Variants in GPR33 observed in about 807,000 individuals in gnomAD.
GPR33 encodes the protein G protein-coupled receptor 33.
GPR33 carries 4 observed loss-of-function variants against 3.1 expected under a neutral mutation model. That is an observed-to-expected ratio of 1.29 (90% confidence interval 0.64 to 2.96). The LOEUF (loss-of-function observed/expected upper bound fraction) is 2.96. GPR33 is among the 30% of genes most tolerant of loss of function. The probability of loss-of-function intolerance (pLI) is 0.01; values close to 1 mark genes in which losing one functional copy is unlikely to be tolerated. For missense variants in GPR33, 390 were observed against 388.9 expected, an observed-to-expected ratio of 1.00 and a Z score of -0.02; for synonymous variants, 138 against 142.0, an observed-to-expected ratio of 0.97 and a Z score of 0.20.
chr14:31,483,519 G>A lies in GPR33; in HGVS notation c.447C>T (p.Val149=). ...HRTPRWASSI[V]LGVWISAAAL... ...CAGCGGCTGAAATCCAGACTCCCAG[G>A]ACAATGCTGGAAGCCCAGCGCGGGG... The change falls in exon 2 of 2, where the codon GTC becomes GTT. Residue 149 remains valine (V), a synonymous_variant. Transcript: ENST00000399285. The A allele has an allele frequency of 6.5e-7, 1 of 1,536,132 alleles. No individual in the cohort carries two copies. The highest frequency in any genetic ancestry group is 1.2e-5 in the South Asian group (1 of 84,060).
Position 31,483,278 on chromosome 14 carries a change from T to G in GPR33, c.688A>C (p.Ser230Arg), listed in dbSNP as rs1258321059. ...IIIFCYERVA[S>R]KVKERSLFKS... is the part of the protein sequence containing the mutation. ...AACAGGCTCCTCTCTTTCACCTTGC[T>G]GGCTACTCTTTCATAACAAAAGATG... Residue 230 changes from serine to arginine, a missense_variant, in exon 2 of 2, where the codon AGC becomes CGC. By Grantham distance (110) the Ser-to-Arg change is moderately radical. Coordinates refer to ENST00000399285, the MANE Select transcript of GPR33 (RefSeq NM_001197184.3). 2.0e-6 allele frequency: 3 copies of G among 1,536,050 alleles called. No homozygotes were observed. The African/African-American group carries it at 4.1e-5, about 21-fold the overall frequency.
rs2032388367 is a variant in GPR33 at position 31,483,747 on chromosome 14, A to G, written c.219T>C (p.Ser73=). The G allele has an allele frequency of 1.4e-5, 22 of 1,536,060 alleles. No homozygotes were observed. Among genetic ancestry groups the G allele is most frequent in the Non-Finnish European group, 1.8e-5 (21 of 1,146,922 alleles). ...NTLLFFHLIL[S]YFISTMILPF... ...GCAGAATCATTGTTGAAATAAAATA[A>G]GAGAGAATGAGATGAAAAAATAAGA... Residue 73 remains serine, a synonymous_variant, in exon 2 of 2, where the codon TCT becomes TCC. Coordinates refer to ENST00000399285, the MANE Select transcript of GPR33 (RefSeq NM_001197184.3).
At position 31,483,431 on chromosome 14, in the gene GPR33, A is replaced by C; in HGVS notation, c.535T>G (p.Cys179Gly). 9 of 1,536,132 alleles carry C rather than the reference A, an allele frequency of 5.9e-6. No homozygotes were observed. Among genetic ancestry groups the C allele is most frequent in the Non-Finnish European group, 7.8e-6 (9 of 1,146,892 alleles). ...THHDRKGKVT[C>G]QNNYAVSTNW... The stretch of plus-strand genomic sequence containing the variant: ...GTAGACACAGCATAGTTATTTTGGC[A>C]AGTCACCTTTCCTTTACGGTCATGA... Residue 179 changes from cysteine (C) to glycine (G), a missense_variant, in exon 2 of 2, where the codon TGC becomes GGC. Cys to Gly is a radical substitution (Grantham distance 159, BLOSUM62 -3). Coordinates refer to ENST00000399285, the MANE Select transcript of GPR33 (RefSeq NM_001197184.3).
At chr14:31,484,048 A>G in intron 1 of GPR33, 77 bp from the exon 2 acceptor site, 1 of 1,161,694 alleles carries the variant, frequency 8.6e-7, no homozygotes, top group Non-Finnish European at 1.2e-6. Flanking sequence ...TTAAAGAGTA[A>G]TTTTTTACAT....
In GPR33 at chr14:31,483,766, A is replaced by C. The variant is rs969234999; in HGVS notation, c.200T>G (p.Phe67Cys). Reference protein sequence around the residue: ...KMKQTVNTLLFFHLILSYFIS... With the variant: ...KMKQTVNTLLCFHLILSYFIS... Reference sequence around the variant, plus strand: ...AAAATAAGAGAGAATGAGATGAAAAAATAAGAGAGTATTGACAGTCTGTTT... The same window carrying C: ...AAAATAAGAGAGAATGAGATGAAAACATAAGAGAGTATTGACAGTCTGTTT... Residue 67 changes from phenylalanine to cysteine, a missense_variant, in exon 2 of 2, where the codon TTT becomes TGT. Phe to Cys is a radical substitution (Grantham distance 205). Coordinates refer to ENST00000399285, the MANE Select transcript of GPR33 (RefSeq NM_001197184.3). The C allele has an allele frequency of 4.3e-5, 66 of 1,536,044 alleles. No individual in the cohort carries two copies. The highest frequency in any genetic ancestry group is 5.7e-5 in the Non-Finnish European group (65 of 1,146,914).
chr14:31,485,407 G>A (rs879623131), intron 1 of GPR33, among the ~76,000 whole-genome samples: 2 of 151,586 alleles, frequency 1.3e-5, no homozygotes, highest in Non-Finnish European at 1.5e-5. Flanking sequence ...AGGCCGAGGT[G>A]GGCGGATCAC....
chr14:31,486,548 A>G (rs574248743), intron 1 of GPR33, among the ~76,000 whole-genome samples: 1 of 152,326 alleles, frequency 6.6e-6, no homozygotes, highest in East Asian at 1.9e-4. Flanking sequence ...GAAGCATATG[A>G]AATGGACAGG....
intron 1 of GPR33, among the ~76,000 whole-genome samples, chr14:31,484,229 A>G (rs2032394126): frequency 6.6e-6 from 1 of 152,236 alleles, no homozygotes; most frequent in African/African-American, 2.4e-5. Context: ...TAAATGTGAA[A>G]AGAAGTAAAT....
chr14:31,486,580 G>A lies in GPR33; in HGVS notation c.-7+1317C>T, dbSNP rs141090885. 1.7e-4 allele frequency among the ~76,000 whole-genome samples: 26 copies of A among 152,266 alleles called. No individual in the cohort carries two copies. In the East Asian group the frequency reaches 4.8e-3, roughly 28 times the overall value. On this transcript the variant is annotated intron_variant, in intron 1 of 1. Coordinates refer to ENST00000399285, the MANE Select transcript of GPR33 (RefSeq NM_001197184.3). ...CAGGCAATGGCAAATAAAAGAATGAGAACTTGAGAGAGAGGTTTTGTGAAG... is the reference window on the plus strand; with the variant it reads ...CAGGCAATGGCAAATAAAAGAATGAAAACTTGAGAGAGAGGTTTTGTGAAG...
chr14:31,487,351 G>T (rs901743617), intron 1 of GPR33, among the ~76,000 whole-genome samples: 4 of 149,956 alleles, frequency 2.7e-5, no homozygotes, highest in Non-Finnish European at 5.9e-5. Flanking sequence ...ACAGACCTGG[G>T]TTTGTATCCT....
Position 31,487,432 on chromosome 14 carries a change from G to GTTTTTTTTT in GPR33, c.-7+456_-7+464dup, listed in dbSNP as rs752227440. On this transcript the variant is annotated intron_variant, in intron 1 of 1. Coordinates refer to ENST00000399285, the MANE Select transcript of GPR33 (RefSeq NM_001197184.3). ...ACTTTTTCTCCTGCTAAGCCCCTCA[G>GTTTTTTTTT]TTTTTTTTTTTTTTTTTTTTTTTTT... Among the ~76,000 whole-genome samples, 6 of 70,382 alleles carry GTTTTTTTTT rather than the reference G, an allele frequency of 8.5e-5. 1 individual carries two copies. The highest frequency in any genetic ancestry group is 1.0e-4 in the Non-Finnish European group (4 of 39,394). 46.2% of individuals were successfully genotyped at this position (70,382 alleles called of 152,430 possible). A position where few individuals can be genotyped will look rare whatever the true frequency, so the allele number is the denominator to read the frequency against.
rs992042076 is a variant in GPR33, at chr14:31,483,891, A to G, written c.75T>C (p.Ala25=). 6.5e-7 allele frequency: 1 copy of G among 1,535,902 alleles called. No individual in the cohort carries two copies. The highest frequency in any genetic ancestry group is 8.7e-7 in the Non-Finnish European group (1 of 1,146,860). The stretch of plus-strand genomic sequence containing the variant: ...GGGCAATAATCATTTTTGATGCAGG[A>G]GCTAGAAACTGAGTGCTGTTTCTTA... The part of the protein sequence containing the change: ...TLVRNSTQFL[A]PASKMIIALS... Residue 25 remains alanine (A), a synonymous_variant, in exon 2 of 2, where the codon GCT becomes GCC. Coordinates refer to ENST00000399285, the MANE Select transcript of GPR33 (RefSeq NM_001197184.3).
At chr14:31,487,174 C>G (rs2032427622) in intron 1 of GPR33, among the ~76,000 whole-genome samples, 1 of 152,094 alleles carries the variant, frequency 6.6e-6, no homozygotes, top group Admixed American at 6.6e-5. Context: ...CATAGTAAAA[C>G]TTTTCTGATC....
intron 1 of GPR33, among the ~76,000 whole-genome samples, chr14:31,487,696 C>A (rs1031910286): frequency 7.9e-5 from 12 of 152,078 alleles, no homozygotes; most frequent in African/African-American, 2.9e-4. Flanking sequence ...CCTCAGCCTC[C>A]CAAAGTGCTG....
rs751714022 is a variant in GPR33 at position 31,483,607 on chromosome 14, G to A, written c.359C>T (p.Ser120Leu). 1.1e-4 allele frequency: 164 copies of A among 1,536,000 alleles called. 1 individual carries two copies. The highest frequency in any genetic ancestry group is 2.5e-4 in the South Asian group (21 of 84,064). The change falls in exon 2 of 2, where the codon TCG (serine) becomes TTG (leucine). Residue 120 changes from serine to leucine, a missense_variant. Coordinates refer to ENST00000399285, the MANE Select transcript of GPR33 (RefSeq NM_001197184.3). Reference protein sequence around the residue: ...LGMFTSVFFLSAIGLDRYLLT... With the variant: ...LGMFTSVFFLLAIGLDRYLLT... Reference sequence around the variant, plus strand: ...AAGGTAACGATCAAGACCGATGGCCGAAAGGAAGAAAACAGAGGTGAACAT... The same window carrying A: ...AAGGTAACGATCAAGACCGATGGCCAAAAGGAAGAAAACAGAGGTGAACAT...
At position 31,483,512 on chromosome 14, in the gene GPR33, C is replaced by T; in HGVS notation, c.454G>A (p.Val152Ile). 2 of 1,536,140 alleles carry T rather than the reference C, an allele frequency of 1.3e-6. No homozygotes were observed. The highest frequency in any genetic ancestry group is 1.7e-6 in the Non-Finnish European group (2 of 1,146,906). ...CTGAGGGCAGCGGCTGAAATCCAGA[C>T]TCCCAGGACAATGCTGGAAGCCCAG... ...PRWASSIVLG[V>I]WISAAALSIP... The change falls in exon 2 of 2, where the codon GTC becomes ATC. Residue 152 changes from valine (V) to isoleucine (I), a missense_variant. By Grantham distance (29) the Val-to-Ile change is conservative. Coordinates refer to ENST00000399285, the MANE Select transcript of GPR33 (RefSeq NM_001197184.3).
Position 31,483,777 on chromosome 14 carries a change from A to G in GPR33, c.189T>C (p.Asn63=), listed in dbSNP as rs776499142. The part of the protein sequence containing the change: ...VLRFKMKQTV[N]TLLFFHLILS... ...GAATGAGATGAAAAAATAAGAGAGT[A>G]TTGACAGTCTGTTTCATCTTGAATC... The change falls in exon 2 of 2, where the codon AAT becomes AAC. Residue 63 remains asparagine (N), a synonymous_variant. Transcript: ENST00000399285. 2 of 1,536,124 alleles carry G rather than the reference A, an allele frequency of 1.3e-6. No individual in the cohort carries two copies. The highest frequency in any genetic ancestry group is 1.2e-5 in the South Asian group (1 of 84,068).
Sources: allele counts gnomAD v4.1 joint callset (sites outside exome capture counted in the v4.1 genomes callset), GRCh38; gene constraint gnomAD v4.1.1; transcripts MANE v1.5; gene names NCBI Gene and HGNC (gene_info 2026-07-23, HGNC 2026-07-21).